RC3H1: variants seen among roughly 807,000 people sequenced by gnomAD.
RC3H1 encodes the protein roquin-1.
In RC3H1, 50 loss-of-function variants were observed where a neutral mutation model predicts 138.2. That is an observed-to-expected ratio of 0.36 (90% CI 0.29 to 0.46). The LOEUF is 0.46. RC3H1 is among the 20% of genes least tolerant of loss of function. The pLI, the probability that RC3H1 is intolerant of heterozygous loss-of-function variation, is 1.00. For missense variants in RC3H1, 1,031 were observed against 1,388.1 expected (o/e 0.74, Z 4.09); for synonymous variants, 462 against 489.1 (o/e 0.94, Z 0.73).
At chr1:174,004,066 C>A (rs1193875607) in intron 1 of RC3H1, among the ~76,000 whole-genome samples, 1 of 146,902 alleles carries the variant, frequency 6.8e-6, no homozygotes, top group Non-Finnish European at 1.5e-5. Context: ...TATTATATAT[C>A]ATATATAATT....
intron 13 of RC3H1, among the ~76,000 whole-genome samples, chr1:173,958,648 C>T (rs886976919): frequency 5.9e-5 from 9 of 151,624 alleles, no homozygotes; most frequent in East Asian, 1.9e-4. Context: ...AATAGAAAAA[C>T]GAACATCACT....
chr1:173,970,642 A>G, intron 8 of RC3H1, 25 bp from the exon 9 acceptor site: 1 of 1,450,898 alleles, frequency 6.9e-7, no homozygotes. Flanking sequence ...AAAACATTAG[A>G]TGTGTAATAA....
intron 9 of RC3H1, among the ~76,000 whole-genome samples, chr1:173,968,816 C>T (rs1418109650): frequency 6.7e-6 from 1 of 149,996 alleles, no homozygotes; most frequent in African/African-American, 2.5e-5. Flanking sequence ...TATTACCATG[C>T]TGAGAAAGTA....
intron 11 of RC3H1, among the ~76,000 whole-genome samples, chr1:173,962,860 G>A (rs1350747858): frequency 1.3e-5 from 2 of 152,064 alleles, no homozygotes; most frequent in East Asian, 1.9e-4. Flanking sequence ...TACAAATCAC[G>A]TTTTATCATA....
At chr1:173,947,085 T>TA (rs1443083575) in intron 15 of RC3H1, among the ~76,000 whole-genome samples, 1 of 152,184 alleles carries the variant, frequency 6.6e-6, no homozygotes, top group East Asian at 1.9e-4. Context: ...AATTACTGTA[T>TA]AATGAGAATG....
chr1:174,005,053 T>G (rs1331278275), intron 1 of RC3H1, among the ~76,000 whole-genome samples: 1 of 152,164 alleles, frequency 6.6e-6, no homozygotes, highest in Non-Finnish European at 1.5e-5. Flanking sequence ...GACATGGGGT[T>G]TATTTCCCCC....
In RC3H1 at chr1:173,946,814, G is replaced by A. The variant is rs748196352; in HGVS notation, c.2760C>T (p.His920=). ...NISDYSPYGT[H]GGWGASPYSP... is the part of the protein sequence containing the mutation. The stretch of plus-strand genomic sequence containing the variant: ...AATATGGAGAAGCTCCCCAGCCACC[G>A]TGGGTTCCATATGGACTATAATCTG... Residue 920 remains histidine, a synonymous_variant, in exon 16 of 20, where the codon CAC becomes CAT. Coordinates refer to ENST00000367696, the MANE Select transcript of RC3H1 (RefSeq NM_172071.4). 2.9e-5 allele frequency: 46 copies of A among 1,611,298 alleles called. No individual in the cohort carries two copies. Among genetic ancestry groups the A allele is most frequent in the Non-Finnish European group, 3.6e-5 (42 of 1,177,440 alleles).
chr1:173,963,452 C>G (rs1330710583), intron 11 of RC3H1, among the ~76,000 whole-genome samples: 2 of 152,142 alleles, frequency 1.3e-5, no homozygotes, highest in Non-Finnish European at 2.9e-5. Flanking sequence ...CATGCATCTA[C>G]TACTCATGCA....
chr1:173,941,399 T>C lies in RC3H1; in HGVS notation c.3136-19A>G, dbSNP rs753846528. On this transcript the variant is annotated intron_variant, in intron 18 of 19. Transcript: ENST00000367696. ...GGTTTTCCTTTGAAAGAGAAGGAAA[T>C]AAAATCAGTTATCATCTATTTAATG... 1 of 1,463,436 alleles carries C rather than the reference T, an allele frequency of 6.8e-7. No homozygotes were observed. Among genetic ancestry groups the C allele is most frequent in the South Asian group, 1.1e-5 (1 of 87,722 alleles). 90.7% of individuals were successfully genotyped at this position (1,463,436 alleles called of 1,614,324 possible).
intron 1 of RC3H1, among the ~76,000 whole-genome samples, chr1:174,014,805 T>C (rs1479175673): frequency 6.6e-6 from 1 of 152,212 alleles, no homozygotes; most frequent in African/African-American, 2.4e-5. Flanking sequence ...AACCTAGATA[T>C]ACTGGACTCC....
At chr1:174,012,996 T>TA (rs1263326971) in intron 1 of RC3H1, among the ~76,000 whole-genome samples, 5 of 151,360 alleles carry the variant, frequency 3.3e-5, no homozygotes, top group African/African-American at 7.3e-5. Flanking sequence ...ATAAATTCTT[T>TA]AAAAAAAGAA....
At chr1:174,019,267 T>C (rs972750152) in intron 1 of RC3H1, among the ~76,000 whole-genome samples, 1 of 152,210 alleles carries the variant, frequency 6.6e-6, no homozygotes, top group East Asian at 1.9e-4. Flanking sequence ...CAAGTAGATA[T>C]CTGACAGGAT....
At chr1:173,959,242 T>C (rs1659769181) in intron 13 of RC3H1, among the ~76,000 whole-genome samples, 1 of 152,064 alleles carries the variant, frequency 6.6e-6, no homozygotes. Flanking sequence ...ATAAAGAAAT[T>C]TAGCAAGCCT....
chr1:174,009,142 T>G (rs1661707200), intron 1 of RC3H1: 1 of 152,192 alleles, frequency 6.6e-6, no homozygotes, highest in African/African-American at 2.4e-5. Flanking sequence ...TAGGTTTGTA[T>G]AGTGTGCATG....
intron 1 of RC3H1, among the ~76,000 whole-genome samples, chr1:174,008,217 TATTTAATA>T (rs552235597): frequency 2.6e-5 from 4 of 152,358 alleles, no homozygotes; most frequent in South Asian, 4.1e-4. Flanking sequence ...AAACCTAGTA[TATTTAATA>T]ATAGCAATAA....
intron 1 of RC3H1, among the ~76,000 whole-genome samples, chr1:174,020,917 G>A (rs1661945160): frequency 6.6e-6 from 1 of 152,162 alleles, no homozygotes; most frequent in Admixed American, 6.5e-5. Context: ...GGTGAGGCAG[G>A]AGAATCGCTT....
At position 173,938,611 on chromosome 1, in the gene RC3H1, G is replaced by A; in HGVS notation, c.*110C>T. 1.3e-6 allele frequency: 1 copy of A among 743,436 alleles called. No individual in the cohort carries two copies. Among genetic ancestry groups the A allele is most frequent in the Non-Finnish European group, 2.1e-6 (1 of 484,770 alleles). 46.1% of individuals were successfully genotyped at this position (743,436 alleles called of 1,614,324 possible). ...CACATTGCCTCTGGTGAATTTCCTGGATTTCTCTGACCGCTCTTAAGAGAA... is the reference window on the plus strand; with the variant it reads ...CACATTGCCTCTGGTGAATTTCCTGAATTTCTCTGACCGCTCTTAAGAGAA... On this transcript the variant is annotated 3_prime_UTR_variant, in exon 20 of 20. Coordinates refer to ENST00000367696, the MANE Select transcript of RC3H1 (RefSeq NM_172071.4).
intron 2 of RC3H1, among the ~76,000 whole-genome samples, chr1:173,985,698 C>T (rs1661000061): frequency 6.6e-6 from 1 of 151,898 alleles, no homozygotes; most frequent in African/African-American, 2.4e-5. Flanking sequence ...TATTTATAGT[C>T]ACTGTTCTGT....
intron 6 of RC3H1, among the ~76,000 whole-genome samples, chr1:173,979,504 C>G (rs577582557): frequency 3.6e-4 from 54 of 152,066 alleles, no homozygotes; most frequent in African/African-American, 1.3e-3. Flanking sequence ...AAAATTTGGG[C>G]GTGGTACAGG....
Sources: allele counts gnomAD v4.1 joint callset (sites outside exome capture counted in the v4.1 genomes callset), GRCh38; gene constraint gnomAD v4.1.1; transcripts MANE v1.5; gene names NCBI Gene and HGNC (gene_info 2026-07-23, HGNC 2026-07-21).